NBAS: variants seen among roughly 807,000 people sequenced by gnomAD.
NBAS encodes the protein NAG/BC035112 fusion.
Under a neutral mutation model 302.5 loss-of-function variants are expected in NBAS, and 219 were observed. The observed-to-expected ratio is 0.72, with a 90% CI of 0.65 to 0.81. The LOEUF is 0.81. NBAS is among the 30% of genes least tolerant of loss of function. The pLI is 0.00. For synonymous variants in NBAS, 1,118 were observed against 1,021.6 expected (o/e 1.09, Z -1.80); for missense variants, 2,932 against 2,841.6 (o/e 1.03, Z -0.72).
At chr2:15,373,595 T>G (rs1042909916) in intron 31 of NBAS, among the ~76,000 whole-genome samples, 5 of 152,206 alleles carry the variant, frequency 3.3e-5, no homozygotes, top group African/African-American at 1.2e-4. Context: ...CATCCCAAAA[T>G]GCTGGGACTA....
intron 11 of NBAS, among the ~76,000 whole-genome samples, chr2:15,495,423 AAT>A (rs1681029445): frequency 6.6e-6 from 1 of 152,194 alleles, no homozygotes; most frequent in South Asian, 2.1e-4. Context: ...ATAAAGATGC[AAT>A]GAGTAAAATG....
chr2:15,186,895 GA>G lies in NBAS; in HGVS notation c.6573-16del. The G allele has an allele frequency of 3.7e-6, 6 of 1,613,854 alleles. No homozygotes were observed. Among genetic ancestry groups the G allele is most frequent in the Non-Finnish European group, 5.1e-6 (6 of 1,179,860 alleles). On this transcript the variant is annotated splice_polypyrimidine_tract_variant and intron_variant, in intron 49 of 51. Coordinates refer to ENST00000281513, the MANE Select transcript of NBAS (RefSeq NM_015909.4). ...TATTGGTTATGCTGGTGTTTATGGA[GA>G]AAAATACAAGGCACTGGAAATGACT...
At chr2:15,171,575 C>T (rs1232719665) in intron 51 of NBAS, among the ~76,000 whole-genome samples, 1 of 151,938 alleles carries the variant, frequency 6.6e-6, no homozygotes. Flanking sequence ...TGTTTTTTTG[C>T]ACATACTTTC....
intron 9 of NBAS, among the ~76,000 whole-genome samples, chr2:15,530,299 C>T (rs1330900574): frequency 6.6e-6 from 1 of 151,954 alleles, no homozygotes; most frequent in East Asian, 1.9e-4. Context: ...CATTTCAACT[C>T]CCTTTTCTCT....
the NBAS span, among the ~76,000 whole-genome samples, chr2:15,061,208 G>GCA: frequency 6.6e-6 from 1 of 152,114 alleles, no homozygotes; most frequent in Admixed American, 6.5e-5. Flanking sequence ...ACCTGTGTGT[G>GCA]CACACACACA....
intron 44 of NBAS, among the ~76,000 whole-genome samples, chr2:15,240,446 CAAAAAAAA>C (rs1175235771): frequency 1.7e-3 from 129 of 75,378 alleles, no homozygotes; most frequent in African/African-American, 5.5e-3. Flanking sequence ...ACTAAAAATA[CAAAAAAAA>C]AAAAAAAAAA....
intron 28 of NBAS, among the ~76,000 whole-genome samples, chr2:15,389,855 CT>C (rs1326629379): frequency 6.6e-6 from 1 of 152,190 alleles, no homozygotes; most frequent in Non-Finnish European, 1.5e-5. Context: ...ACTCTTAAGA[CT>C]ACCCCAGTTT....
the NBAS span, among the ~76,000 whole-genome samples, chr2:14,808,683 AGT>A: frequency 6.6e-6 from 1 of 152,346 alleles, no homozygotes; most frequent in Non-Finnish European, 1.5e-5. Flanking sequence ...AGACTAATAC[AGT>A]AAATTGGTAC....
chr2:14,885,741 T>A, the NBAS span, among the ~76,000 whole-genome samples: 1 of 152,098 alleles, frequency 6.6e-6, no homozygotes, highest in Non-Finnish European at 1.5e-5. Context: ...AGCAGAGGCC[T>A]ACGAGGTAGT....
At chr2:15,398,559 G>A (rs894149669) in intron 26 of NBAS, among the ~76,000 whole-genome samples, 1 of 151,824 alleles carries the variant, frequency 6.6e-6, no homozygotes, top group Non-Finnish European at 1.5e-5. Context: ...AGTTTTTTTA[G>A]CCAGATTAAA....
chr2:15,047,840 G>A, the NBAS span, among the ~76,000 whole-genome samples: 4 of 152,248 alleles, frequency 2.6e-5, no homozygotes, highest in Non-Finnish European at 5.9e-5. Flanking sequence ...CTTGCTGTGT[G>A]ACGTCAGGCA....
the NBAS span, among the ~76,000 whole-genome samples, chr2:14,993,972 T>G: frequency 3.9e-5 from 6 of 152,148 alleles, no homozygotes; most frequent in South Asian, 4.1e-4. Context: ...TAAAGTCAGA[T>G]AGAGGAGATA....
intron 47 of NBAS, among the ~76,000 whole-genome samples, chr2:15,224,893 C>T (rs896101952): frequency 6.6e-6 from 1 of 152,228 alleles, no homozygotes; most frequent in Non-Finnish European, 1.5e-5. Flanking sequence ...GGGGCAGACA[C>T]TTCCCAGGAG....
At chr2:15,155,365 G>A in the NBAS span, among the ~76,000 whole-genome samples, 1 of 152,096 alleles carries the variant, frequency 6.6e-6, no homozygotes, top group Non-Finnish European at 1.5e-5. Flanking sequence ...CAAGAGAGTG[G>A]AGACTCATTT....
intron 21 of NBAS, among the ~76,000 whole-genome samples, chr2:15,440,015 G>A (rs1224496760): frequency 6.6e-6 from 1 of 152,252 alleles, no homozygotes; most frequent in Non-Finnish European, 1.5e-5. Flanking sequence ...AGCTCGAACT[G>A]GGCGGAGCCC....
At chr2:15,168,830 T>C (rs1664154781) in intron 51 of NBAS, among the ~76,000 whole-genome samples, 1 of 152,302 alleles carries the variant, frequency 6.6e-6, no homozygotes, top group African/African-American at 2.4e-5. Context: ...TGTTTCACCA[T>C]GTTGGTCAGG....
intron 32 of NBAS, among the ~76,000 whole-genome samples, chr2:15,365,478 G>A (rs1674153577): frequency 6.6e-6 from 1 of 152,168 alleles, no homozygotes; most frequent in South Asian, 2.1e-4. Flanking sequence ...TTTTCCAGAT[G>A]CAGAAAATGG....
In NBAS at chr2:15,393,705, C is replaced by T. The variant is rs548469863; in HGVS notation, c.3257+522G>A. The T allele has an allele frequency of 7.2e-5, 34 of 470,706 alleles. 1 individual carries two copies. Among genetic ancestry groups the T allele is most frequent in the South Asian group, 4.2e-4 (27 of 64,520 alleles). The allele number at this position is 470,706 out of a possible 1,614,324, so 29.2% of individuals were successfully genotyped here. The stretch of plus-strand genomic sequence containing the variant: ...AAACTCAAAATAACCCAAATGTCCA[C>T]GGACAGAGAAGTGGTAAACAGGCTG... On this transcript the variant is annotated intron_variant, in intron 28 of 51. Transcript: ENST00000281513.
chr2:15,375,784 A>C (rs1006078356), intron 30 of NBAS, among the ~76,000 whole-genome samples: 5 of 152,198 alleles, frequency 3.3e-5, no homozygotes, highest in African/African-American at 1.2e-4. Context: ...TGTTTTTAAA[A>C]ATGAAAGAAA....
Sources: gnomAD v4.1 joint callset for allele counts (sites outside exome capture counted in the v4.1 genomes callset) on GRCh38, gnomAD v4.1.1 for gene constraint, MANE v1.5 for transcripts, NCBI Gene and HGNC (gene_info 2026-07-23, HGNC 2026-07-21) for gene names.